The following NRG1 variants were observed in gnomAD, a reference collection of about 807,000 sequenced individuals.
The protein encoded by NRG1 is pro-neuregulin-1, membrane-bound isoform.
In NRG1, 18 loss-of-function variants were observed where a neutral mutation model predicts 63.8. The ratio of observed to expected loss-of-function variants is 0.28; its 90% CI spans 0.19 to 0.42. The LOEUF (loss-of-function observed/expected upper bound fraction) is 0.42, where lower values mean the gene tolerates loss of function less well. Among genes scored for constraint, NRG1 ranks in the 10% least tolerant of loss-of-function variants. The pLI is 1.00. For synonymous variants in NRG1, 302 were observed against 301.3 expected (o/e 1.00, Z -0.02); for missense variants, 762 against 814.7 (o/e 0.94, Z 0.79).
chr8:31,702,450 C>CT (rs780135114), intron 1 of NRG1, among the ~76,000 whole-genome samples: 6 of 112,184 alleles, frequency 5.3e-5, no homozygotes, highest in Non-Finnish European at 1.3e-4. Context: ...TTTCCCATAA[C>CT]ATTTTTTTTT....
intron 1 of NRG1, among the ~76,000 whole-genome samples, chr8:32,514,806 T>C (rs907725756): frequency 6.6e-6 from 1 of 151,924 alleles, no homozygotes; most frequent in African/African-American, 2.4e-5. Context: ...AAAACTGTTA[T>C]TGATTGTTCA....
At chr8:32,417,850 G>A (rs1013380606) in intron 1 of NRG1, among the ~76,000 whole-genome samples, 8 of 152,044 alleles carry the variant, frequency 5.3e-5, no homozygotes, top group Non-Finnish European at 1.0e-4. Context: ...TTTTATTATT[G>A]TAATAGTGTT....
At chr8:32,165,636 CAA>C (rs1839320017) in intron 1 of NRG1, among the ~76,000 whole-genome samples, 1 of 152,138 alleles carries the variant, frequency 6.6e-6, no homozygotes, top group Admixed American at 6.6e-5. Flanking sequence ...GAAGCAATCA[CAA>C]AGGTTTAATG....
At chr8:32,625,616 T>A (rs1849077431) in intron 5 of NRG1, among the ~76,000 whole-genome samples, 1 of 152,164 alleles carries the variant, frequency 6.6e-6, no homozygotes, top group African/African-American at 2.4e-5. Flanking sequence ...TTTGGACTAT[T>A]CTCATTATTT....
intron 7 of NRG1, among the ~76,000 whole-genome samples, chr8:32,773,077 C>G (rs1831909575): frequency 6.6e-6 from 1 of 152,158 alleles, no homozygotes; most frequent in African/African-American, 2.4e-5. Context: ...AGTCGGAAGA[C>G]CACACAATTT....
chr8:32,042,924 G>A (rs937613651), intron 1 of NRG1, among the ~76,000 whole-genome samples: 1 of 146,030 alleles, frequency 6.8e-6, no homozygotes, highest in African/African-American at 2.5e-5. Flanking sequence ...GGTCTGATAT[G>A]TATGGCTTTG....
chr8:32,125,805 C>A (rs1297010529), intron 1 of NRG1, among the ~76,000 whole-genome samples: 1 of 152,026 alleles, frequency 6.6e-6, no homozygotes, highest in African/African-American at 2.4e-5. Flanking sequence ...TCCAACATAT[C>A]TTCCTGACAT....
chr8:32,356,492 G>A (rs1258584381), intron 1 of NRG1, among the ~76,000 whole-genome samples: 3 of 94,716 alleles, frequency 3.2e-5, no homozygotes, highest in Admixed American at 1.1e-4. Flanking sequence ...CCCACCCGCC[G>A]GGCCCCACCC....
Position 31,903,385 on chromosome 8 carries a change from G to A in NRG1, c.37+263954G>A, listed in dbSNP as rs148552175. On this transcript the variant is annotated intron_variant, in intron 1 of 10. Transcript: ENST00000519301. ...AGGTTGGTCTTGATCTCCTGACCTCGTGATCCTCCTGCCTCGGCCTCCCAA... is the reference window on the plus strand; with the variant it reads ...AGGTTGGTCTTGATCTCCTGACCTCATGATCCTCCTGCCTCGGCCTCCCAA... 2.4e-3 allele frequency among the ~76,000 whole-genome samples: 363 copies of A among 151,490 alleles called. 3 individuals carry two copies. Among genetic ancestry groups the A allele is most frequent in the African/African-American group, 8.1e-3 (333 of 41,320 alleles).
At chr8:31,752,466 A>G (rs1816576592) in intron 1 of NRG1, among the ~76,000 whole-genome samples, 1 of 152,076 alleles carries the variant, frequency 6.6e-6, no homozygotes, top group Admixed American at 6.6e-5. Context: ...GCTTGGGGGG[A>G]GACCAATTAG....
intron 1 of NRG1, among the ~76,000 whole-genome samples, chr8:31,847,574 C>T (rs1826810542): frequency 6.6e-6 from 1 of 152,192 alleles, no homozygotes; most frequent in Admixed American, 6.5e-5. Flanking sequence ...GAGATCATTT[C>T]TTGCCAGTCT....
chr8:32,209,475 T>G (rs1844432515), intron 1 of NRG1, among the ~76,000 whole-genome samples: 1 of 152,150 alleles, frequency 6.6e-6, no homozygotes. Flanking sequence ...TTTTATAAAT[T>G]TATACATACC....
At chr8:32,157,515 C>G (rs138517863) in intron 1 of NRG1, among the ~76,000 whole-genome samples, 1 of 151,044 alleles carries the variant, frequency 6.6e-6, no homozygotes, top group East Asian at 2.0e-4. Flanking sequence ...CAAAATTAGC[C>G]GGGCGTGGTG....
At chr8:32,245,994 C>G (rs1168663240) in intron 1 of NRG1, among the ~76,000 whole-genome samples, 1 of 152,068 alleles carries the variant, frequency 6.6e-6, no homozygotes, top group Non-Finnish European at 1.5e-5. Context: ...AGGAATCAGG[C>G]TGATTTTCCC....
intron 1 of NRG1, among the ~76,000 whole-genome samples, chr8:31,894,105 TAAAC>T (rs747769856): frequency 2.6e-5 from 4 of 152,118 alleles, no homozygotes; most frequent in Admixed American, 6.5e-5. Context: ...CTGATATAGA[TAAAC>T]AGAAAGAAAG....
chr8:32,287,129 T>G (rs1045139993), intron 1 of NRG1: 9 of 152,228 alleles, frequency 5.9e-5, no homozygotes, highest in African/African-American at 1.9e-4. Context: ...GCAAATGAAC[T>G]AAGACAACAA....
rs1184724164 is a variant in NRG1, at chr8:32,510,373, A to G, written c.38-85455A>G. ...GGAGACCCTGTTTCAAAAAAATAAA[A>G]AATAAAAAAAGGAGGAAAGGAAGAA... On this transcript the variant is annotated intron_variant, in intron 1 of 10. Transcript: ENST00000519301. Among the ~76,000 whole-genome samples, 3 of 151,948 alleles carry G rather than the reference A, an allele frequency of 2.0e-5. No individual in the cohort carries two copies. In the East Asian group the frequency reaches 5.8e-4, roughly 29 times the overall value.
intron 1 of NRG1, among the ~76,000 whole-genome samples, chr8:32,204,519 G>T (rs1201734578): frequency 6.6e-6 from 1 of 152,196 alleles, no homozygotes; most frequent in Non-Finnish European, 1.5e-5. Context: ...CAGAACAAAT[G>T]ACTTTGGATG....
At chr8:32,269,861 A>G (rs1040361656) in intron 1 of NRG1, among the ~76,000 whole-genome samples, 1 of 152,312 alleles carries the variant, frequency 6.6e-6, no homozygotes, top group African/African-American at 2.4e-5. Context: ...TTTTTGAACA[A>G]CAACGATAAA....
Sources: gnomAD v4.1 joint callset for allele counts (sites outside exome capture counted in the v4.1 genomes callset) on GRCh38, gnomAD v4.1.1 for gene constraint, MANE v1.5 for transcripts, NCBI Gene and HGNC (gene_info 2026-07-23, HGNC 2026-07-21) for gene names.